The following CACNA2D3 variants were observed in gnomAD, a reference collection of about 807,000 sequenced individuals.
CACNA2D3 encodes calcium voltage-gated channel auxiliary subunit alpha2delta 3.
A neutral mutation model predicts 160.6 loss-of-function variants in CACNA2D3; 60 were observed. That is an observed-to-expected ratio of 0.37 (90% CI 0.30 to 0.46). The LOEUF is 0.46. Ranked by LOEUF, CACNA2D3 falls within the 20% of genes least tolerant of loss-of-function variation. The pLI is 1.00. For synonymous variants in CACNA2D3, 558 were observed against 492.9 expected (o/e 1.13, Z -1.75); for missense variants, 1,205 against 1,365.0 (o/e 0.88, Z 1.85).
intron 2 of CACNA2D3, among the ~76,000 whole-genome samples, chr3:54,299,357 A>G (rs56348221): frequency 0.26 from 38,878 of 152,058 alleles, 5,101 homozygotes; most frequent in South Asian, 0.34. Flanking sequence ...CCGCTCCGCT[A>G]GCCTAGCCAC....
At chr3:54,270,710 C>G (rs1349840084) in intron 2 of CACNA2D3, among the ~76,000 whole-genome samples, 1 of 152,214 alleles carries the variant, frequency 6.6e-6, no homozygotes, top group Non-Finnish European at 1.5e-5. Flanking sequence ...GGGAAGAATA[C>G]TCTTCCATGT....
chr3:54,563,644 C>T (rs1194038464), intron 6 of CACNA2D3, among the ~76,000 whole-genome samples: 2 of 152,126 alleles, frequency 1.3e-5, no homozygotes, highest in African/African-American at 2.4e-5. Context: ...GTTGTGAAAA[C>T]AGGACTCGGG....
rs201221924 is a variant in CACNA2D3 at position 54,736,052 on chromosome 3, C to CATATATAT, written c.1168-16543_1168-16542insATATATAT. Among the ~76,000 whole-genome samples, 40 of 47,248 alleles carry CATATATAT rather than the reference C, an allele frequency of 8.5e-4. 3 individuals carry two copies. Among genetic ancestry groups the CATATATAT allele is most frequent in the Non-Finnish European group, 1.5e-3 (35 of 23,854 alleles). The allele number at this position is 47,248 out of a possible 152,430, so 31.0% of individuals were successfully genotyped here. A position where few individuals can be genotyped will look rare whatever the true frequency, so the allele number is the denominator to read the frequency against. On this transcript the variant is annotated intron_variant, in intron 11 of 37. Coordinates refer to ENST00000474759, the MANE Select transcript of CACNA2D3 (RefSeq NM_018398.3). ...ATATATATGTATATATATACACATA[C>CATATATAT]ATATGTATGTATATATATATACATA...
chr3:54,839,117 T>C (rs1478758275), intron 16 of CACNA2D3, among the ~76,000 whole-genome samples: 1 of 151,930 alleles, frequency 6.6e-6, no homozygotes, highest in African/African-American at 2.4e-5. Context: ...AATTAGCCGG[T>C]CGTGATGGCA....
intron 2 of CACNA2D3, among the ~76,000 whole-genome samples, chr3:54,192,952 C>T (rs1020754059): frequency 2.0e-5 from 3 of 152,178 alleles, no homozygotes; most frequent in Non-Finnish European, 4.4e-5. Flanking sequence ...TAATGTTAAC[C>T]GCAGCCCAGC....
chr3:54,978,200 C>T (rs999106823), intron 29 of CACNA2D3, among the ~76,000 whole-genome samples: 1 of 152,128 alleles, frequency 6.6e-6, no homozygotes, highest in Non-Finnish European at 1.5e-5. Flanking sequence ...ATGCCTTAAC[C>T]GTCTGGGAAT....
intron 27 of CACNA2D3, among the ~76,000 whole-genome samples, chr3:54,924,309 A>G (rs1700945497): frequency 6.6e-6 from 1 of 152,242 alleles, no homozygotes; most frequent in South Asian, 2.1e-4. Context: ...TTGAGCAGTT[A>G]TTCAGGTGGT....
At chr3:54,785,870 C>A (rs1702632017) in intron 13 of CACNA2D3, among the ~76,000 whole-genome samples, 1 of 152,136 alleles carries the variant, frequency 6.6e-6, no homozygotes, top group South Asian at 2.1e-4. Context: ...CCCTTCTTAT[C>A]ATTAGCAATG....
intron 35 of CACNA2D3, among the ~76,000 whole-genome samples, chr3:55,031,436 G>A (rs1703686969): frequency 6.6e-6 from 1 of 152,150 alleles, no homozygotes; most frequent in South Asian, 2.1e-4. Flanking sequence ...GGAGCTCAAA[G>A]GATCAAAGCA....
chr3:54,814,876 C>T (rs1365756738), intron 13 of CACNA2D3, among the ~76,000 whole-genome samples: 2 of 152,206 alleles, frequency 1.3e-5, no homozygotes, highest in Non-Finnish European at 2.9e-5. Context: ...GCAGTTTGTG[C>T]AGGGCTTCAC....
At chr3:54,895,026 G>T (rs772673844) in intron 25 of CACNA2D3, among the ~76,000 whole-genome samples, 1 of 151,964 alleles carries the variant, frequency 6.6e-6, no homozygotes, top group Non-Finnish European at 1.5e-5. Context: ...TTAATTTCTG[G>T]AGAGTCATTT....
chr3:54,392,251 G>A (rs547612891), intron 4 of CACNA2D3, among the ~76,000 whole-genome samples: 5 of 152,024 alleles, frequency 3.3e-5, no homozygotes, highest in African/African-American at 1.2e-4. Flanking sequence ...TTCAGAATGC[G>A]TTCCCCCTCT....
At chr3:54,297,953 A>G (rs192976885) in intron 2 of CACNA2D3, among the ~76,000 whole-genome samples, 1 of 152,108 alleles carries the variant, frequency 6.6e-6, no homozygotes, top group African/African-American at 2.4e-5. Flanking sequence ...CAAATCCCCA[A>G]CACCACCCCA....
At chr3:54,277,163 A>G (rs910670748) in intron 2 of CACNA2D3, among the ~76,000 whole-genome samples, 5 of 152,330 alleles carry the variant, frequency 3.3e-5, no homozygotes, top group East Asian at 3.9e-4. Context: ...TGCCATTCAC[A>G]TGAACGTCTG....
intron 4 of CACNA2D3, among the ~76,000 whole-genome samples, chr3:54,400,223 C>A (rs936332152): frequency 1.3e-5 from 2 of 149,914 alleles, no homozygotes; most frequent in Non-Finnish European, 3.0e-5. Flanking sequence ...GAGATGAACC[C>A]GGTACCTCAG....
chr3:54,537,058 T>C (rs1306336826), intron 5 of CACNA2D3, among the ~76,000 whole-genome samples: 1 of 151,988 alleles, frequency 6.6e-6, no homozygotes, highest in Non-Finnish European at 1.5e-5. Context: ...CAGCTAAGTA[T>C]TGTTATCCTC....
intron 2 of CACNA2D3, among the ~76,000 whole-genome samples, chr3:54,245,574 C>T (rs551167467): frequency 6.6e-6 from 1 of 152,238 alleles, no homozygotes; most frequent in South Asian, 2.1e-4. Flanking sequence ...CTGAAAGCAC[C>T]TTGGGCTAAA....
intron 3 of CACNA2D3, among the ~76,000 whole-genome samples, chr3:54,369,535 T>C (rs1244981336): frequency 6.6e-6 from 1 of 152,232 alleles, no homozygotes; most frequent in East Asian, 1.9e-4. Flanking sequence ...ACCTTTCCTC[T>C]GACTCCTCTT....
chr3:55,021,733 C>A (rs900701156), intron 35 of CACNA2D3, among the ~76,000 whole-genome samples: 1 of 130,634 alleles, frequency 7.7e-6, no homozygotes, highest in African/African-American at 3.5e-5. Flanking sequence ...ATATATATAG[C>A]CTTCATTCTT....
Sources: allele counts gnomAD v4.1 joint callset (sites outside exome capture counted in the v4.1 genomes callset), GRCh38; gene constraint gnomAD v4.1.1; transcripts MANE v1.5; gene names NCBI Gene and HGNC (gene_info 2026-07-23, HGNC 2026-07-21).